The following CDH22 variants were observed in gnomAD, a reference collection of about 807,000 sequenced individuals.
CDH22 encodes cadherin 22.
CDH22 carries 30 observed loss-of-function variants against 58.4 expected under a neutral mutation model. That is an observed-to-expected ratio of 0.51 (90% CI 0.38 to 0.70). CDH22 has a LOEUF of 0.70. CDH22 is among the 30% of genes least tolerant of loss of function. CDH22 has a pLI of 0.00. For synonymous variants in CDH22, 513 were observed against 558.2 expected (o/e 0.92, Z 1.14); for missense variants, 1,014 against 1,233.9 (o/e 0.82, Z 2.67).
chr20:46,280,043 TC>T (rs1471080100), intron 1 of CDH22, among the ~76,000 whole-genome samples: 1 of 152,132 alleles, frequency 6.6e-6, no homozygotes, highest in African/African-American at 2.4e-5. Flanking sequence ...CACATACGTG[TC>T]ATGGGGACGA....
intron 7 of CDH22, among the ~76,000 whole-genome samples, chr20:46,202,370 T>C (rs2085967656): frequency 6.6e-6 from 1 of 151,788 alleles, no homozygotes; most frequent in Admixed American, 6.6e-5. Context: ...TTTTTTTTTT[T>C]TGAGACGGAG....
intron 1 of CDH22, among the ~76,000 whole-genome samples, chr20:46,268,101 G>A (rs919835833): frequency 2.5e-4 from 38 of 152,266 alleles, no homozygotes; most frequent in African/African-American, 8.0e-4. Context: ...AAGGCATGAC[G>A]TGGGGTGAGG....
At chr20:46,240,518 G>A (rs1032859713) in intron 3 of CDH22, among the ~76,000 whole-genome samples, 1 of 152,150 alleles carries the variant, frequency 6.6e-6, no homozygotes, top group African/African-American at 2.4e-5. Flanking sequence ...CTGTCAAGGC[G>A]TCCAGCTGTG....
At chr20:46,234,150 T>C (rs866068674) in intron 3 of CDH22, among the ~76,000 whole-genome samples, 2 of 152,252 alleles carry the variant, frequency 1.3e-5, no homozygotes, top group African/African-American at 2.4e-5. Flanking sequence ...TGAGCCTCAG[T>C]TTCCATAGCT....
At position 46,236,591 on chromosome 20, in the gene CDH22, A is replaced by G. The variant is rs533899932; in HGVS notation, c.550+4372T>C. 9.8e-4 allele frequency among the ~76,000 whole-genome samples: 140 copies of G among 143,022 alleles called. 1 individual carries two copies. The highest frequency in any genetic ancestry group is 3.2e-3 in the African/African-American group (125 of 39,070). 93.8% of individuals were successfully genotyped at this position (143,022 alleles called of 152,430 possible). ...TATATATTATATATAAATATAATAT[A>G]TAATATATTATATATAGATATATAT... is the stretch of plus-strand genomic sequence containing the variant. On this transcript the variant is annotated intron_variant, in intron 3 of 11. Coordinates refer to ENST00000537909, the MANE Select transcript of CDH22 (RefSeq NM_021248.3).
In CDH22 at chr20:46,300,159, G is replaced by A. The variant is rs1456693424; in HGVS notation, c.-400+8096C>T. Among the ~76,000 whole-genome samples the A allele has an allele frequency of 6.6e-6, 1 of 152,102 alleles. No homozygotes were observed. Among genetic ancestry groups the A allele is most frequent in the East Asian group, 1.9e-4 (1 of 5,200 alleles). On this transcript the variant is annotated intron_variant, in intron 1 of 11. Coordinates refer to ENST00000537909, the MANE Select transcript of CDH22 (RefSeq NM_021248.3). This position sits in a 1 kb window ranked among gnomAD's most constrained non-coding sequence, Gnocchi z 4.4. Reference sequence around the variant, plus strand: ...CTAAAGGCCCTTTCAACTCCAAAATGCATAACCCTAAACACAGCCACTTGG... The same window carrying A: ...CTAAAGGCCCTTTCAACTCCAAAATACATAACCCTAAACACAGCCACTTGG...
rs1469616017 is a variant in CDH22, at chr20:46,226,103, C to T, written c.670+1405G>A. Among the ~76,000 whole-genome samples the T allele has an allele frequency of 3.3e-5, 5 of 152,122 alleles. No individual in the cohort carries two copies. In the South Asian group the frequency reaches 8.3e-4, roughly 25 times the overall value. On this transcript the variant is annotated intron_variant, in intron 4 of 11. Coordinates refer to ENST00000537909, the MANE Select transcript of CDH22 (RefSeq NM_021248.3). ...CCTCTCGACGTCACCTCTCAACAAA[C>T]CTGATTGCCGAAGCCTGAGCTGCTT... is the stretch of plus-strand genomic sequence containing the variant.
chr20:46,255,290 A>T (rs1240070572), intron 1 of CDH22, among the ~76,000 whole-genome samples: 1 of 151,992 alleles, frequency 6.6e-6, no homozygotes, highest in Non-Finnish European at 1.5e-5. Context: ...GGGATTACAG[A>T]TGTGAGCCAC....
rs1412928244 is a variant in CDH22 at position 46,174,803 on chromosome 20, G to C, written c.2190C>G (p.Arg730=). The C allele has an allele frequency of 1.3e-6, 2 of 1,488,362 alleles. No individual in the cohort carries two copies. Among genetic ancestry groups the C allele is most frequent in the Non-Finnish European group, 1.8e-6 (2 of 1,124,988 alleles). The allele number at this position is 1,488,362 out of a possible 1,614,324, so 92.2% of individuals were successfully genotyped here. A position where few individuals can be genotyped will look rare whatever the true frequency, so the allele number is the denominator to read the frequency against. Residue 730 remains arginine, a synonymous_variant, in exon 12 of 12, where the codon CGC becomes CGG. Coordinates refer to ENST00000537909, the MANE Select transcript of CDH22 (RefSeq NM_021248.3). The surrounding 1 kb of genome is among the most constrained non-coding windows in gnomAD (Gnocchi z 4.4). Reference sequence around the variant, plus strand: ...TCGGCGGCCCCTGCGGCAGCGAGTGGCGCTCGGAGGGCAGGTGGGCCTGCG... The same window carrying C: ...TCGGCGGCCCCTGCGGCAGCGAGTGCCGCTCGGAGGGCAGGTGGGCCTGCG... ...SPPQAHLPSE[R]HSLPQGPPSP...
chr20:46,269,809 C>A (rs892646006), intron 1 of CDH22, among the ~76,000 whole-genome samples: 1 of 152,190 alleles, frequency 6.6e-6, no homozygotes, highest in Non-Finnish European at 1.5e-5. Flanking sequence ...CCCAAGCCTA[C>A]CCCCTGCGGA....
At chr20:46,252,513 G>C (rs956373101) in intron 1 of CDH22, among the ~76,000 whole-genome samples, 2 of 152,350 alleles carry the variant, frequency 1.3e-5, no homozygotes, top group Middle Eastern at 3.4e-3. Context: ...AGGGACTAAC[G>C]CCTACTCAAG....
At chr20:46,252,338 C>T (rs949033289) in intron 1 of CDH22, among the ~76,000 whole-genome samples, 3 of 152,202 alleles carry the variant, frequency 2.0e-5, no homozygotes, top group African/African-American at 7.2e-5. Flanking sequence ...CACAACCCCT[C>T]TGAGCTTGCC....
At chr20:46,283,491 T>C (rs933447497) in intron 1 of CDH22, among the ~76,000 whole-genome samples, 1 of 152,326 alleles carries the variant, frequency 6.6e-6, no homozygotes, top group Admixed American at 6.5e-5. Context: ...CCATGGAAGC[T>C]GGATATTGCT....
intron 1 of CDH22, among the ~76,000 whole-genome samples, chr20:46,289,454 C>T (rs954800528): frequency 4.6e-5 from 7 of 152,160 alleles, no homozygotes; most frequent in African/African-American, 7.2e-5. Context: ...TTTAGAACAG[C>T]GCATGGCACA....
At position 46,197,317 on chromosome 20, in the gene CDH22, T is replaced by TATAC. The variant is rs573324791; in HGVS notation, c.1423+2105_1423+2106insGTAT. 1.9e-3 allele frequency among the ~76,000 whole-genome samples: 276 copies of TATAC among 148,338 alleles called. 3 individuals carry two copies. The highest frequency in any genetic ancestry group is 0.011 in the East Asian group (54 of 5,118). On this transcript the variant is annotated intron_variant, in intron 8 of 11. Coordinates refer to ENST00000537909, the MANE Select transcript of CDH22 (RefSeq NM_021248.3). ...CAGGATATATATATATATATATATA[T>TATAC]ACATATGAAGCAAAAATTGTAAAAT... is the stretch of plus-strand genomic sequence containing the variant.
At chr20:46,191,050 A>G (rs1733192005) in intron 8 of CDH22, among the ~76,000 whole-genome samples, 1 of 152,226 alleles carries the variant, frequency 6.6e-6, no homozygotes, top group African/African-American at 2.4e-5. Context: ...AGGACTCAGC[A>G]GTGAACAAGA....
intron 1 of CDH22, among the ~76,000 whole-genome samples, chr20:46,260,271 G>A (rs796381112): frequency 1.9e-4 from 29 of 152,310 alleles, no homozygotes; most frequent in African/African-American, 7.0e-4. Context: ...ACACCAAGAG[G>A]CCAAAGAGGC....
chr20:46,213,494 G>A (rs1411850368), intron 5 of CDH22, among the ~76,000 whole-genome samples: 1 of 152,200 alleles, frequency 6.6e-6, no homozygotes, highest in Non-Finnish European at 1.5e-5. Context: ...GAGGAGCACA[G>A]TGATAAAGGC....
At chr20:46,182,717 C>T (rs2085798528) in intron 10 of CDH22, among the ~76,000 whole-genome samples, 2 of 152,278 alleles carry the variant, frequency 1.3e-5, no homozygotes, top group African/African-American at 4.8e-5. Context: ...AGCGCTGCAT[C>T]CATCCATCTG....
Sources: gnomAD v4.1 joint callset for allele counts (sites outside exome capture counted in the v4.1 genomes callset) on GRCh38, gnomAD v4.1.1 for gene constraint, Gnocchi (gnomAD v3.1) non-coding constraint, MANE v1.5 for transcripts, NCBI Gene and HGNC (gene_info 2026-07-23, HGNC 2026-07-21) for gene names.